STK32A: variants seen among roughly 807,000 people sequenced by gnomAD.
The protein encoded by STK32A is serine/threonine kinase 32A.
Under a neutral mutation model 53.2 loss-of-function variants are expected in STK32A, and 41 were observed. That is an observed-to-expected ratio of 0.77 (90% CI 0.60 to 1.00). The LOEUF is 1.00. Among genes scored for constraint, STK32A ranks in the 50% least tolerant of loss-of-function variants. The probability of loss-of-function intolerance (pLI) is 0.00; values close to 1 mark genes in which losing one functional copy is unlikely to be tolerated. For synonymous variants in STK32A, 166 were observed against 162.8 expected, an observed-to-expected ratio of 1.02 and a Z score of -0.15; for missense variants, 458 against 485.8, an observed-to-expected ratio of 0.94 and a Z score of 0.54.
At chr5:147,397,952 G>A in the STK32A span, 5 of 1,182,482 alleles carry the variant, frequency 4.2e-6, no homozygotes, top group Non-Finnish European at 5.7e-6. Context: ...CACCAGGTAA[G>A]CCAGGAAAAG....
At chr5:147,364,655 G>T (rs1471976479) in intron 8 of STK32A, among the ~76,000 whole-genome samples, 7 of 152,124 alleles carry the variant, frequency 4.6e-5, no homozygotes, top group Non-Finnish European at 2.9e-5. Flanking sequence ...TCTGGTGAGG[G>T]CTTTCTTCCT....
intron 2 of STK32A, among the ~76,000 whole-genome samples, chr5:147,258,173 T>TTTTTTTTTTTTTTTTTTTGAG (rs1466872220): frequency 6.7e-6 from 1 of 148,578 alleles, no homozygotes; most frequent in African/African-American, 2.5e-5. Flanking sequence ...TAATTTTTGT[T>TTTTTTTTTTTTTTTTTTTGAG]AAAGAGCAGG....
intron 6 of STK32A, among the ~76,000 whole-genome samples, chr5:147,346,324 G>A (rs1338568116): frequency 1.3e-5 from 2 of 152,158 alleles, no homozygotes; most frequent in Non-Finnish European, 2.9e-5. Context: ...GGAAATTGTA[G>A]CCACTGTGAA....
the STK32A span, chr5:147,395,689 C>T: frequency 6.2e-7 from 1 of 1,614,110 alleles, no homozygotes; most frequent in South Asian, 1.1e-5. Context: ...GCCCATCGTA[C>T]ATGCCCCTTG....
chr5:147,375,074 A>G lies in STK32A; in HGVS notation c.904-16A>G. The G allele has an allele frequency of 6.3e-7, 1 of 1,592,596 alleles. No homozygotes were observed. Among genetic ancestry groups the G allele is most frequent in the South Asian group, 1.2e-5 (1 of 86,148 alleles). On this transcript the variant is annotated splice_polypyrimidine_tract_variant and intron_variant, in intron 10 of 12. Coordinates refer to ENST00000397936, the MANE Select transcript of STK32A (RefSeq NM_001112724.2). ...ATACAGTAATCTGAGGATTGAGCCA[A>G]CTGTCTTCCTTGCAGAAAGGCAGGC... is the stretch of plus-strand genomic sequence containing the variant.
chr5:147,308,138 T>TTATATA (rs3995475), intron 4 of STK32A, among the ~76,000 whole-genome samples: 44 of 148,412 alleles, frequency 3.0e-4, no homozygotes, highest in Admixed American at 1.9e-3. Context: ...TTCATACATT[T>TTATATA]TATATATATA....
Position 147,373,250 on chromosome 5 carries a change from G to A in STK32A, c.859G>A (p.Asp287Asn). ...NFPYMNDINW[D>N]AVFQKRLIPG... ...CCCGTATATGAATGATATAAACTGGGATGCAGTTTTTCAGAAGAGGCTCAT... is the reference window on the plus strand; with the variant it reads ...CCCGTATATGAATGATATAAACTGGAATGCAGTTTTTCAGAAGAGGCTCAT... Residue 287 changes from aspartate (D) to asparagine (N), a missense_variant, in exon 10 of 13, where the codon GAT becomes AAT. Coordinates refer to ENST00000397936, the MANE Select transcript of STK32A (RefSeq NM_001112724.2). 3.1e-6 allele frequency: 5 copies of A among 1,613,304 alleles called. No individual in the cohort carries two copies. The highest frequency in any genetic ancestry group is 3.4e-6 in the Non-Finnish European group (4 of 1,179,526).
intron 11 of STK32A, 106 bp from the exon 12 acceptor site, chr5:147,383,335 T>C: frequency 1.1e-6 from 1 of 903,420 alleles, no homozygotes; most frequent in African/African-American, 1.7e-5. Flanking sequence ...TACTTCTCAA[T>C]TTGGGGCTAT....
At chr5:147,259,548 T>A (rs1754397673) in intron 2 of STK32A, among the ~76,000 whole-genome samples, 1 of 152,094 alleles carries the variant, frequency 6.6e-6, no homozygotes, top group African/African-American at 2.4e-5. Flanking sequence ...TGGCTTTTTT[T>A]TTTTTATTAT....
At position 147,384,590 on chromosome 5, in the gene STK32A, G is replaced by T. The variant is rs1036116262; in HGVS notation, c.*607G>T. The T allele has an allele frequency of 8.2e-5, 47 of 576,550 alleles. No homozygotes were observed. In the African/African-American group the frequency reaches 8.5e-4, roughly 10 times the overall value. The allele number at this position is 576,550 out of a possible 1,614,324, so 35.7% of individuals were successfully genotyped here. ...GATCCGCTTATCTCAGCTGGCAGGA[G>T]CCTGCTGTGCACACCACTTCCCAGC... On this transcript the variant is annotated 3_prime_UTR_variant, in exon 13 of 13. Transcript: ENST00000397936.
Position 147,384,220 on chromosome 5 carries a change from GCTTTA to G in STK32A, c.*243_*247del. On this transcript the variant is annotated 3_prime_UTR_variant, in exon 13 of 13. Transcript: ENST00000397936. Reference sequence around the variant, plus strand: ...AGCAAGTCACTTAGCCACTTTCTGTGCTTTACTTTATTTATCTAAAATGAGAGGGT... The same window carrying G: ...AGCAAGTCACTTAGCCACTTTCTGTGCTTTATTTATCTAAAATGAGAGGGT... The G allele has an allele frequency of 7.3e-7, 1 of 1,373,694 alleles. No homozygotes were observed. Among genetic ancestry groups the G allele is most frequent in the African/African-American group, 1.5e-5 (1 of 67,350 alleles). 85.1% of individuals were successfully genotyped at this position (1,373,694 alleles called of 1,614,324 possible).
At chr5:147,259,158 T>C (rs2151945644) in intron 2 of STK32A, among the ~76,000 whole-genome samples, 1 of 152,350 alleles carries the variant, frequency 6.6e-6, no homozygotes, top group African/African-American at 2.4e-5. Flanking sequence ...TTTCAGTGGT[T>C]AATGTTAAAT....
chr5:147,350,517 A>G (rs1435197644), intron 6 of STK32A, among the ~76,000 whole-genome samples: 1 of 151,676 alleles, frequency 6.6e-6, no homozygotes, highest in Non-Finnish European at 1.5e-5. Flanking sequence ...ACCCATCACC[A>G]CGCCCAGCTA....
chr5:147,365,368 G>A (rs991719871), intron 8 of STK32A, among the ~76,000 whole-genome samples: 1 of 152,094 alleles, frequency 6.6e-6, no homozygotes, highest in Non-Finnish European at 1.5e-5. Flanking sequence ...AGTCATTGTA[G>A]CACTATTTCT....
chr5:147,277,571 G>A (rs1561687561), intron 2 of STK32A, among the ~76,000 whole-genome samples: 1 of 152,108 alleles, frequency 6.6e-6, no homozygotes, highest in Non-Finnish European at 1.5e-5. Context: ...TCCTACTTGG[G>A]AAAATTGAAA....
chr5:147,244,992 T>A (rs992058126), intron 2 of STK32A, among the ~76,000 whole-genome samples: 1 of 152,206 alleles, frequency 6.6e-6, no homozygotes, highest in Non-Finnish European at 1.5e-5. Flanking sequence ...CTCTGTCGAT[T>A]CCACAGTTAA....
At chr5:147,323,718 T>C (rs140512415) in intron 4 of STK32A, among the ~76,000 whole-genome samples, 180 bp from the exon 5 acceptor site, 1 of 152,332 alleles carries the variant, frequency 6.6e-6, no homozygotes, top group East Asian at 1.9e-4. Context: ...ATTATTCCCA[T>C]GTGACCCATG....
At chr5:147,240,942 A>G (rs1423951183) in intron 2 of STK32A, among the ~76,000 whole-genome samples, 2 of 152,184 alleles carry the variant, frequency 1.3e-5, no homozygotes, top group Admixed American at 1.3e-4. Flanking sequence ...GGTTATGCCC[A>G]CTTATTTATA....
At chr5:147,321,087 T>C (rs934410793) in intron 4 of STK32A, among the ~76,000 whole-genome samples, 1 of 152,188 alleles carries the variant, frequency 6.6e-6, no homozygotes, top group African/African-American at 2.4e-5. Flanking sequence ...TGGTGAACTT[T>C]TATTAGTTAT....
Sources: gnomAD v4.1 joint callset for allele counts (sites outside exome capture counted in the v4.1 genomes callset) on GRCh38, gnomAD v4.1.1 for gene constraint, MANE v1.5 for transcripts, NCBI Gene and HGNC (gene_info 2026-07-23, HGNC 2026-07-21) for gene names.